ANKS1B: variants seen among roughly 807,000 people sequenced by gnomAD.
ANKS1B encodes ankyrin repeat and sterile alpha motif domain containing 1B, also known as ankyrin repeat and sterile alpha motif domain-containing protein 1B.
ANKS1B carries 36 observed loss-of-function variants against 148.3 expected under a neutral mutation model. The observed-to-expected ratio is 0.24, with a 90% CI of 0.19 to 0.32. The LOEUF (loss-of-function observed/expected upper bound fraction) is 0.32, where lower values mean the gene tolerates loss of function less well. ANKS1B is among the 10% of genes least tolerant of loss of function. The pLI, the probability that ANKS1B is intolerant of heterozygous loss-of-function variation, is 1.00. For missense variants in ANKS1B, 1,157 were observed against 1,542.6 expected, an observed-to-expected ratio of 0.75 and a Z score of 4.19; for synonymous variants, 542 against 560.8, an observed-to-expected ratio of 0.97 and a Z score of 0.47.
At chr12:99,383,249 T>C (rs570611183) in intron 12 of ANKS1B, among the ~76,000 whole-genome samples, 1 of 152,238 alleles carries the variant, frequency 6.6e-6, no homozygotes, top group South Asian at 2.1e-4. Context: ...GTGAGAATTT[T>C]GAAAAAAAGG....
chr12:99,542,890 G>A (rs910508446), intron 9 of ANKS1B, among the ~76,000 whole-genome samples: 8 of 152,160 alleles, frequency 5.3e-5, no homozygotes, highest in Middle Eastern at 3.4e-3. Flanking sequence ...AACTCTTGGG[G>A]AAGAAGTATA....
At chr12:99,498,638 C>T (rs2096626898) in intron 10 of ANKS1B, among the ~76,000 whole-genome samples, 4 of 152,112 alleles carry the variant, frequency 2.6e-5, no homozygotes, top group Admixed American at 2.0e-4. Flanking sequence ...AACACTTATA[C>T]CTTTTGCTCT....
intron 2 of ANKS1B, among the ~76,000 whole-genome samples, chr12:99,823,860 CTTAT>C (rs1294410421): frequency 1.3e-5 from 2 of 152,086 alleles, no homozygotes; most frequent in African/African-American, 4.8e-5. Flanking sequence ...TTCTCCATTG[CTTAT>C]TTGTTATCAA....
chr12:98,856,386 A>G (rs1159578478), intron 17 of ANKS1B, among the ~76,000 whole-genome samples: 1 of 152,204 alleles, frequency 6.6e-6, no homozygotes, highest in Non-Finnish European at 1.5e-5. Flanking sequence ...TCCTAGCTCT[A>G]ATATGTACAG....
At chr12:99,365,667 A>G (rs1401965033) in intron 12 of ANKS1B, among the ~76,000 whole-genome samples, 1 of 152,152 alleles carries the variant, frequency 6.6e-6, no homozygotes, top group Non-Finnish European at 1.5e-5. Context: ...CCAATTCTAA[A>G]TGAGAAAGTA....
intron 14 of ANKS1B, among the ~76,000 whole-genome samples, chr12:99,237,772 G>T (rs1601938519): frequency 6.6e-6 from 1 of 152,294 alleles, no homozygotes; most frequent in East Asian, 1.9e-4. Context: ...TCGTGTGTGT[G>T]CATGTGTGTC....
At chr12:98,846,600 G>C (rs1398163818) in intron 17 of ANKS1B, among the ~76,000 whole-genome samples, 2 of 152,346 alleles carry the variant, frequency 1.3e-5, no homozygotes, top group East Asian at 3.9e-4. Context: ...TGGAGGTGGA[G>C]GATGCTTTGA....
At chr12:99,228,721 G>C (rs1315815394) in intron 14 of ANKS1B, among the ~76,000 whole-genome samples, 1 of 151,804 alleles carries the variant, frequency 6.6e-6, no homozygotes, top group Admixed American at 6.6e-5. Flanking sequence ...ATTTTGACCA[G>C]GGGTTTATTA....
At chr12:99,451,879 C>G (rs2095745951) in intron 10 of ANKS1B, among the ~76,000 whole-genome samples, 1 of 151,906 alleles carries the variant, frequency 6.6e-6, no homozygotes, top group Non-Finnish European at 1.5e-5. Context: ...CTATTATTAT[C>G]AGATATATGA....
intron 3 of ANKS1B, among the ~76,000 whole-genome samples, chr12:99,807,620 T>C (rs2067802018): frequency 6.6e-6 from 1 of 152,182 alleles, no homozygotes; most frequent in South Asian, 2.1e-4. Flanking sequence ...GCTAACACTA[T>C]GTACTAGACA....
chr12:99,707,788 T>C (rs2056044169), intron 8 of ANKS1B, among the ~76,000 whole-genome samples: 2 of 152,002 alleles, frequency 1.3e-5, no homozygotes, highest in South Asian at 2.1e-4. Context: ...CCAGCTCTCA[T>C]AGGCTTCGCT....
At chr12:99,572,586 A>C (rs2097469798) in intron 9 of ANKS1B, among the ~76,000 whole-genome samples, 1 of 152,100 alleles carries the variant, frequency 6.6e-6, no homozygotes, top group Admixed American at 6.5e-5. Flanking sequence ...CAGTGTATAA[A>C]ATTTTAAGTC....
chr12:99,353,862 A>G (rs1489297987), intron 12 of ANKS1B, among the ~76,000 whole-genome samples: 2 of 152,118 alleles, frequency 1.3e-5, no homozygotes, highest in East Asian at 1.9e-4. Flanking sequence ...TCTTCTTTCT[A>G]TGTAATCCTA....
chr12:98,817,351 A>C (rs943227151), intron 19 of ANKS1B, among the ~76,000 whole-genome samples: 1 of 152,252 alleles, frequency 6.6e-6, no homozygotes, highest in Non-Finnish European at 1.5e-5. Flanking sequence ...AATTCAGTGC[A>C]GTCAAGGGGT....
At chr12:99,842,646 ACCCCTGC>A (rs1247998060) in intron 1 of ANKS1B, among the ~76,000 whole-genome samples, 1 of 151,724 alleles carries the variant, frequency 6.6e-6, no homozygotes, top group East Asian at 1.9e-4. Flanking sequence ...CCATCCACTG[ACCCCTGC>A]CCTGTTCCCC....
chr12:99,853,495 C>T (rs1032074432), intron 1 of ANKS1B, among the ~76,000 whole-genome samples: 1 of 152,124 alleles, frequency 6.6e-6, no homozygotes, highest in Non-Finnish European at 1.5e-5. Context: ...ACCCTCACTG[C>T]AGTTTGGCTC....
intron 1 of ANKS1B, among the ~76,000 whole-genome samples, chr12:99,936,738 T>C (rs780686172): frequency 6.6e-6 from 1 of 152,206 alleles, no homozygotes; most frequent in African/African-American, 2.4e-5. Flanking sequence ...AGACCTAGCC[T>C]CTTTATTACT....
rs184145560 is a variant in ANKS1B at position 99,693,988 on chromosome 12, C to T, written c.1129-38778G>A. 5.2e-3 allele frequency among the ~76,000 whole-genome samples: 788 copies of T among 151,096 alleles called. 7 individuals carry two copies. Among genetic ancestry groups the T allele is most frequent in the African/African-American group, 0.017 (687 of 41,268 alleles). On this transcript the variant is annotated intron_variant, in intron 8 of 26. Transcript: ENST00000683438. ...TAGAGACATGGTTTCACTATTTTGG[C>T]CAGGCTGGTCTCGAACTTCTGACCT...
chr12:99,214,532 G>A (rs549355820), intron 14 of ANKS1B, among the ~76,000 whole-genome samples: 4 of 152,302 alleles, frequency 2.6e-5, no homozygotes, highest in East Asian at 1.9e-4. Flanking sequence ...CTGCCATCAC[G>A]TAAGACATGC....
Sources: allele counts gnomAD v4.1 joint callset (sites outside exome capture counted in the v4.1 genomes callset), GRCh38; gene constraint gnomAD v4.1.1; transcripts MANE v1.5; gene names NCBI Gene and HGNC (gene_info 2026-07-23, HGNC 2026-07-21).